Variants in ACTN4 observed in about 807,000 individuals in gnomAD.
ACTN4 encodes actinin alpha 4, also known as alpha-actinin-4.
ACTN4 carries 18 observed loss-of-function variants against 114.2 expected under a neutral mutation model. The observed-to-expected ratio is 0.16, with a 90% CI of 0.11 to 0.23. The LOEUF is 0.23. ACTN4 is among the 10% of genes least tolerant of loss of function. The probability of loss-of-function intolerance (pLI) is 1.00; values close to 1 mark genes in which losing one functional copy is unlikely to be tolerated. For missense variants in ACTN4, 722 were observed against 1,262.9 expected (o/e 0.57, Z 6.49); for synonymous variants, 515 against 506.3 (o/e 1.02, Z -0.23).
chr19:38,648,204 C>T (rs1172985119), intron 1 of ACTN4: 2 of 287,700 alleles, frequency 7.0e-6, no homozygotes, highest in East Asian at 6.1e-5. Context: ...TTAGGGGAAA[C>T]CGAGGAGATG....
chr19:38,723,927 C>T lies in ACTN4; in HGVS notation c.1552-10C>T. 1 of 1,613,276 alleles carries T rather than the reference C, an allele frequency of 6.2e-7. No homozygotes were observed. Among genetic ancestry groups the T allele is most frequent in the Non-Finnish European group, 8.5e-7 (1 of 1,179,982 alleles). On this transcript the variant is annotated splice_polypyrimidine_tract_variant and intron_variant, in intron 13 of 20. Coordinates refer to ENST00000252699, the MANE Select transcript of ACTN4 (RefSeq NM_004924.6). ...CCTCTGTCCCTGCCCCCTTCCCTCC[C>T]ACACACTAGAAAACAGAGAAGCAGC...
chr19:38,675,504 G>C (rs1186611757), intron 1 of ACTN4, among the ~76,000 whole-genome samples: 1 of 152,246 alleles, frequency 6.6e-6, no homozygotes, highest in Non-Finnish European at 1.5e-5. Flanking sequence ...AAAGTGTTAG[G>C]ATTACAGGCG....
At position 38,730,429 on chromosome 19, in the gene ACTN4, C is replaced by A; in HGVS notation, c.*997C>A. 1 of 183,974 alleles carries A rather than the reference C, an allele frequency of 5.4e-6. No homozygotes were observed. The highest frequency in any genetic ancestry group is 1.2e-5 in the Non-Finnish European group (1 of 86,478). 11.4% of individuals were successfully genotyped at this position (183,974 alleles called of 1,614,324 possible). On this transcript the variant is annotated 3_prime_UTR_variant, in exon 21 of 21. Coordinates refer to ENST00000252699, the MANE Select transcript of ACTN4 (RefSeq NM_004924.6). ...GTGGTTGATGGTTTTGCTCCCCCTA[C>A]CTTTTTTTTTTGAGTTTATTCTGAT...
chr19:38,670,815 C>G (rs766017396), intron 1 of ACTN4, among the ~76,000 whole-genome samples: 1 of 151,362 alleles, frequency 6.6e-6, no homozygotes, highest in Non-Finnish European at 1.5e-5. Context: ...CCCAGCTACT[C>G]GGGAGGCTGA....
intron 17 of ACTN4, 76 bp from the exon 18 acceptor site, chr19:38,726,881 C>T (rs1916353479): frequency 6.3e-7 from 1 of 1,599,334 alleles, no homozygotes. Context: ...GGACAGTTCA[C>T]AGTCCTCCAC....
rs1196850346 is a variant in ACTN4, at chr19:38,717,089, C to T, written c.916C>T (p.Leu306=). The change falls in exon 10 of 21, where the codon CTG becomes TTG. Residue 306 remains leucine, a synonymous_variant. Transcript: ENST00000252699. This position sits in a 1 kb window ranked among gnomAD's most constrained non-coding sequence, Gnocchi z 4.0. ...CGCTGGCTTCTGTGGCCCACAGCTC[C>T]TGGAGTGGATCCGGCGCACCATCCC... The part of the protein sequence containing the change: ...EDYEKLASDL[L]EWIRRTIPWL... The T allele has an allele frequency of 5.0e-6, 8 of 1,612,904 alleles. No homozygotes were observed. In the Admixed American group the frequency reaches 1.3e-4, roughly 27 times the overall value.
chr19:38,672,126 T>C (rs911543280), intron 1 of ACTN4, among the ~76,000 whole-genome samples: 3 of 152,018 alleles, frequency 2.0e-5, no homozygotes, highest in African/African-American at 4.8e-5. Flanking sequence ...TCGCTCTCCC[T>C]GGGTGTGCCA....
chr19:38,668,736 A>T (rs1281780323), intron 1 of ACTN4, among the ~76,000 whole-genome samples: 1 of 125,820 alleles, frequency 7.9e-6, no homozygotes, highest in Admixed American at 7.6e-5. Context: ...TGCATGATGG[A>T]AGTGAACAGT....
At chr19:38,712,667 G>A (rs551927090) in intron 8 of ACTN4, among the ~76,000 whole-genome samples, 7 of 152,182 alleles carry the variant, frequency 4.6e-5, no homozygotes, top group South Asian at 2.1e-4. Context: ...CCACACTCCC[G>A]CGGGAGGGTG....
rs1968515929 is a variant in ACTN4, at chr19:38,707,980, A to G, written c.573-137A>G. ...GTCATGCTTGCAGCCTCTCTGCCACACTGTCTCCATGCAGTGCCTGGCACA... is the reference window on the plus strand; with the variant it reads ...GTCATGCTTGCAGCCTCTCTGCCACGCTGTCTCCATGCAGTGCCTGGCACA... On this transcript the variant is annotated intron_variant, in intron 5 of 20. Transcript: ENST00000252699. The G allele has an allele frequency of 3.4e-6, 3 of 887,810 alleles. No homozygotes were observed. In the African/African-American group the frequency reaches 4.9e-5, roughly 15 times the overall value. The allele number at this position is 887,810 out of a possible 1,614,324, so 55.0% of individuals were successfully genotyped here. A position where few individuals can be genotyped will look rare whatever the true frequency, so the allele number is the denominator to read the frequency against.
chr19:38,727,930 C>T lies in ACTN4; in HGVS notation c.2338-16C>T, dbSNP rs201534530. 3.1e-5 allele frequency: 50 copies of T among 1,611,920 alleles called. No homozygotes were observed. In the African/African-American group the frequency reaches 4.7e-4, roughly 15 times the overall value. On this transcript the variant is annotated splice_polypyrimidine_tract_variant and intron_variant, in intron 18 of 20. Transcript: ENST00000252699. The surrounding 1 kb of genome is among the most constrained non-coding windows in gnomAD (Gnocchi z 5.4). ...GCCGCCCCTCCCGCACACCTGCCTTCGGATGGCCCCGGCAGGATCATGGCG... is the reference window on the plus strand; with the variant it reads ...GCCGCCCCTCCCGCACACCTGCCTTTGGATGGCCCCGGCAGGATCATGGCG...
At chr19:38,694,069 G>C (rs1044681424) in intron 1 of ACTN4, among the ~76,000 whole-genome samples, 1 of 152,164 alleles carries the variant, frequency 6.6e-6, no homozygotes. Flanking sequence ...AGACAGATGA[G>C]TCCACATCCT....
chr19:38,714,358 C>T, intron 8 of ACTN4, 111 bp from the exon 9 acceptor site: 1 of 951,144 alleles, frequency 1.1e-6, no homozygotes, highest in South Asian at 1.4e-5. Context: ...CCTCTCCTTC[C>T]CCTCTGTGAG....
rs1360372158 is a variant in ACTN4 at position 38,700,581 on chromosome 19, C to G, written c.163-19C>G. 6.2e-7 allele frequency: 1 copy of G among 1,602,624 alleles called. No homozygotes were observed. The highest frequency in any genetic ancestry group is 8.5e-7 in the Non-Finnish European group (1 of 1,169,698). On this transcript the variant is annotated intron_variant, in intron 1 of 20. Coordinates refer to ENST00000252699, the MANE Select transcript of ACTN4 (RefSeq NM_004924.6). ...AGCCAGGCTGACTCTGCGCACTGTC[C>G]TTTGTTCTGCTTCCCCAGACCTTCA...
chr19:38,662,176 A>G (rs1224451277), intron 1 of ACTN4, among the ~76,000 whole-genome samples: 1 of 152,142 alleles, frequency 6.6e-6, no homozygotes, highest in African/African-American at 2.4e-5. Flanking sequence ...AGTAGGTTTC[A>G]TTGGACCCAC....
rs570011301 is a variant in ACTN4, at chr19:38,729,623, C to A, written c.*191C>A. ...TTGTGGGTTGGCCAGGAGGTTCCCC[C>A]GACCAGGTTGGGGAGACTTGGGGCC... is the stretch of plus-strand genomic sequence containing the variant. On this transcript the variant is annotated 3_prime_UTR_variant, in exon 21 of 21. Coordinates refer to ENST00000252699, the MANE Select transcript of ACTN4 (RefSeq NM_004924.6). The A allele has an allele frequency of 7.1e-6, 6 of 849,320 alleles. No individual in the cohort carries two copies. The East Asian group carries it at 1.1e-4, about 15-fold the overall frequency. The allele number at this position is 849,320 out of a possible 1,614,324, so 52.6% of individuals were successfully genotyped here. A position where few individuals can be genotyped will look rare whatever the true frequency, so the allele number is the denominator to read the frequency against.
intron 1 of ACTN4, among the ~76,000 whole-genome samples, chr19:38,665,124 A>C (rs1462939687): frequency 6.6e-6 from 1 of 152,160 alleles, no homozygotes; most frequent in Non-Finnish European, 1.5e-5. Flanking sequence ...TGTTGAGAGC[A>C]CTGAAGCTCC....
chr19:38,678,752 C>G (rs1054314671), intron 1 of ACTN4, among the ~76,000 whole-genome samples: 5 of 152,124 alleles, frequency 3.3e-5, no homozygotes, highest in African/African-American at 1.2e-4. Flanking sequence ...GTGACCAATC[C>G]CGTGGAATCA....
intron 9 of ACTN4, among the ~76,000 whole-genome samples, chr19:38,716,819 G>A: frequency 6.6e-6 from 1 of 152,198 alleles, no homozygotes; most frequent in East Asian, 1.9e-4. Flanking sequence ...GCGTGAACCT[G>A]TCTTTAAAAA....
Sources: allele counts gnomAD v4.1 joint callset (sites outside exome capture counted in the v4.1 genomes callset), GRCh38; gene constraint gnomAD v4.1.1; non-coding constraint Gnocchi (gnomAD v3.1); transcripts MANE v1.5; gene names NCBI Gene and HGNC (gene_info 2026-07-23, HGNC 2026-07-21).